CDH13: variants seen among roughly 807,000 people sequenced by gnomAD.
The protein encoded by CDH13 is cadherin-13.
A neutral mutation model predicts 63.8 loss-of-function variants in CDH13; 24 were observed. That is an observed-to-expected ratio of 0.38 (90% confidence interval 0.27 to 0.53). CDH13 has a LOEUF of 0.53. Among genes scored for constraint, CDH13 ranks in the 20% least tolerant of loss-of-function variants. The probability of loss-of-function intolerance (pLI) is 0.85; values close to 1 mark genes in which losing one functional copy is unlikely to be tolerated. For synonymous variants in CDH13, 503 were observed against 355.3 expected (o/e 1.42, Z -4.67); for missense variants, 1,049 against 903.1 (o/e 1.16, Z -2.07).
At chr16:82,836,396 C>G (rs1269968251) in intron 1 of CDH13, among the ~76,000 whole-genome samples, 1 of 152,144 alleles carries the variant, frequency 6.6e-6, no homozygotes, top group East Asian at 1.9e-4. Context: ...GTGATCCACC[C>G]GCCTTGGCCT....
At chr16:83,167,677 T>G (rs950699425) in intron 4 of CDH13, among the ~76,000 whole-genome samples, 7 of 150,194 alleles carry the variant, frequency 4.7e-5, no homozygotes, top group Non-Finnish European at 8.9e-5. Context: ...AAGCCAAATC[T>G]CATTATTTCA....
At chr16:83,616,344 T>C (rs370756979) in intron 8 of CDH13, among the ~76,000 whole-genome samples, 3 of 152,214 alleles carry the variant, frequency 2.0e-5, no homozygotes, top group African/African-American at 4.8e-5. Context: ...CATTAATCAC[T>C]CTTTCATAAT....
chr16:83,782,347 A>T (rs1040473364), intron 12 of CDH13, among the ~76,000 whole-genome samples: 3 of 152,150 alleles, frequency 2.0e-5, no homozygotes, highest in Non-Finnish European at 4.4e-5. Context: ...ACCGCACATG[A>T]CATCAGGGAA....
chr16:83,264,876 T>G (rs1372112927), intron 5 of CDH13, among the ~76,000 whole-genome samples: 1 of 152,180 alleles, frequency 6.6e-6, no homozygotes, highest in Admixed American at 6.5e-5. Flanking sequence ...TGTCAAACTA[T>G]GCACACATTT....
At chr16:82,906,425 A>G (rs1218289248) in intron 2 of CDH13, among the ~76,000 whole-genome samples, 1 of 152,204 alleles carries the variant, frequency 6.6e-6, no homozygotes, top group Admixed American at 6.5e-5. Context: ...TGAAGCAATC[A>G]TGAACCCACT....
At chr16:83,033,247 C>T (rs1916539748) in intron 3 of CDH13, among the ~76,000 whole-genome samples, 1 of 152,046 alleles carries the variant, frequency 6.6e-6, no homozygotes, top group South Asian at 2.1e-4. Context: ...CCTTCAGTGA[C>T]TTCAGTATAT....
intron 6 of CDH13, among the ~76,000 whole-genome samples, chr16:83,360,438 C>A (rs1470881874): frequency 6.6e-6 from 1 of 151,412 alleles, no homozygotes; most frequent in African/African-American, 2.4e-5. Context: ...CATGGTAGAT[C>A]TATTTTTTAT....
chr16:82,860,384 T>TAG (rs1567608645), intron 2 of CDH13, among the ~76,000 whole-genome samples: 1 of 29,562 alleles, frequency 3.4e-5, no homozygotes, highest in Non-Finnish European at 6.8e-5. Flanking sequence ...TGTGTGTGTG[T>TAG]GTGTGGGGGG....
At chr16:82,977,515 C>T (rs1909684104) in intron 2 of CDH13, among the ~76,000 whole-genome samples, 2 of 152,078 alleles carry the variant, frequency 1.3e-5, no homozygotes, top group African/African-American at 2.4e-5. Context: ...GGGCTTTTCC[C>T]CCTTTTGCTT....
chr16:83,613,281 G>A (rs939709694), intron 8 of CDH13, among the ~76,000 whole-genome samples: 12 of 152,062 alleles, frequency 7.9e-5, no homozygotes, highest in East Asian at 1.9e-4. Context: ...GGTTTAATTC[G>A]TATTAATTAT....
At chr16:82,990,135 T>G (rs1387537528) in intron 2 of CDH13, 2 of 152,210 alleles carry the variant, frequency 1.3e-5, no homozygotes, top group South Asian at 2.1e-4. Context: ...CCTTTATCTG[T>G]GTTCCAACCC....
At chr16:83,564,951 G>GT (rs1429646574) in intron 7 of CDH13, among the ~76,000 whole-genome samples, 3 of 152,120 alleles carry the variant, frequency 2.0e-5, no homozygotes, top group Non-Finnish European at 4.4e-5. Context: ...TTGTTTGTTT[G>GT]TTGTTTTCAG....
intron 3 of CDH13, among the ~76,000 whole-genome samples, chr16:83,055,394 G>A (rs113792626): frequency 1.7e-4 from 21 of 121,500 alleles, no homozygotes; most frequent in Non-Finnish European, 1.9e-4. Flanking sequence ...AAAAAAAAAA[G>A]AAAAGACACT....
intron 7 of CDH13, among the ~76,000 whole-genome samples, chr16:83,535,701 T>A (rs1334193674): frequency 2.0e-5 from 3 of 152,146 alleles, no homozygotes; most frequent in African/African-American, 7.2e-5. Flanking sequence ...TTCCCCAAGA[T>A]ATGATAATGT....
At chr16:83,249,214 G>A (rs1467251595) in intron 5 of CDH13, among the ~76,000 whole-genome samples, 1 of 152,210 alleles carries the variant, frequency 6.6e-6, no homozygotes, top group East Asian at 1.9e-4. Flanking sequence ...CCAGACTAAG[G>A]AGAGAACATC....
At chr16:83,126,952 T>C (rs1332202008) in intron 4 of CDH13, among the ~76,000 whole-genome samples, 1 of 151,690 alleles carries the variant, frequency 6.6e-6, no homozygotes, top group African/African-American at 2.4e-5. Context: ...AAAGAGCAAA[T>C]GGCAGGATGA....
chr16:82,664,100 G>T (rs112856894), intron 1 of CDH13, among the ~76,000 whole-genome samples: 2,673 of 152,314 alleles, frequency 0.018, 71 homozygotes, highest in African/African-American at 0.06. Context: ...GTGGTTTTTC[G>T]AAGTCAGTGA....
At chr16:82,934,237 A>G (rs989950878) in intron 2 of CDH13, among the ~76,000 whole-genome samples, 1 of 152,198 alleles carries the variant, frequency 6.6e-6, no homozygotes, top group Non-Finnish European at 1.5e-5. Context: ...CCAATTCTTG[A>G]TTTCTGTGCA....
chr16:83,179,582 G>A (rs1310696369), intron 4 of CDH13, among the ~76,000 whole-genome samples: 2 of 151,692 alleles, frequency 1.3e-5, no homozygotes, highest in Non-Finnish European at 2.9e-5. Flanking sequence ...AACCCGGGAG[G>A]TGGAGCTTGC....
Sources: gnomAD v4.1 joint callset for allele counts (sites outside exome capture counted in the v4.1 genomes callset) on GRCh38, gnomAD v4.1.1 for gene constraint, MANE v1.5 for transcripts, NCBI Gene and HGNC (gene_info 2026-07-23, HGNC 2026-07-21) for gene names.